The following AMOTL1 variants were observed in gnomAD, a reference collection of about 807,000 sequenced individuals.
AMOTL1 encodes the protein angiomotin like 1, also known as angiomotin-like protein 1.
AMOTL1 carries 45 observed loss-of-function variants against 102.9 expected under a neutral mutation model. The ratio of observed to expected loss-of-function variants is 0.44; its 90% CI spans 0.34 to 0.56. The LOEUF is 0.56. AMOTL1 is among the 20% of genes least tolerant of loss of function. AMOTL1 has a pLI of 0.01. For synonymous variants in AMOTL1, 481 were observed against 484.7 expected (o/e 0.99, Z 0.10); for missense variants, 1,114 against 1,225.6 (o/e 0.91, Z 1.36).
In AMOTL1 at chr11:94,821,956, T is replaced by C. The variant is rs1025769453; in HGVS notation, c.1413+135T>C. On this transcript the variant is annotated intron_variant, in intron 4 of 12. Transcript: ENST00000433060. ...GGCCCTGTGCAAGGCTTTAGGGAGA[T>C]GAAAATAAATATGACCCAGTTCCTG... is the stretch of plus-strand genomic sequence containing the variant. The C allele has an allele frequency of 2.6e-5, 31 of 1,192,938 alleles. 1 individual carries two copies. The South Asian group carries it at 4.4e-4, about 17-fold the overall frequency. 73.9% of individuals were successfully genotyped at this position (1,192,938 alleles called of 1,614,324 possible).
At chr11:94,829,891 G>T (rs1952039014) in intron 4 of AMOTL1, among the ~76,000 whole-genome samples, 159 bp from the exon 5 acceptor site, 1 of 152,208 alleles carries the variant, frequency 6.6e-6, no homozygotes. Context: ...AGGTGGGGGA[G>T]TGAAATCGAT....
rs201109919 is a variant in AMOTL1 at position 94,799,726 on chromosome 11, C to T, written c.536C>T (p.Thr179Met). The T allele has an allele frequency of 2.3e-5, 37 of 1,613,370 alleles. No homozygotes were observed. In the Admixed American group the frequency reaches 2.3e-4, roughly 10 times the overall value. ...GTGATGGAGAAACAGGTCCGGTCCACGCAGCCTCAGCAGAACAACGAGGAA... is the reference window on the plus strand; with the variant it reads ...GTGATGGAGAAACAGGTCCGGTCCATGCAGCCTCAGCAGAACAACGAGGAA... ...NTVMEKQVRS[T>M]QPQQNNEELP... is the part of the protein sequence containing the mutation. The change falls in exon 3 of 13, where the codon ACG becomes ATG. Residue 179 changes from threonine to methionine, a missense_variant. By Grantham distance (81) the Thr-to-Met change is moderately conservative. Coordinates refer to ENST00000433060, the MANE Select transcript of AMOTL1 (RefSeq NM_130847.3). This position sits in a 1 kb window ranked among gnomAD's most constrained non-coding sequence, Gnocchi z 4.5.
At chr11:94,825,295 G>T (rs755171321) in intron 4 of AMOTL1, among the ~76,000 whole-genome samples, 12 of 152,200 alleles carry the variant, frequency 7.9e-5, no homozygotes, top group Non-Finnish European at 1.8e-4. Context: ...AAACAAAGGT[G>T]GCTTTGATTG....
chr11:94,810,397 CT>C (rs575354745), intron 3 of AMOTL1, among the ~76,000 whole-genome samples: 1 of 149,142 alleles, frequency 6.7e-6, no homozygotes, highest in Admixed American at 6.8e-5. Flanking sequence ...TCATAGTGCA[CT>C]TTTTTTCAAA....
At chr11:94,842,595 ATAT>A (rs1248892609) in intron 6 of AMOTL1, among the ~76,000 whole-genome samples, 1 of 152,214 alleles carries the variant, frequency 6.6e-6, no homozygotes, top group African/African-American at 2.4e-5. Context: ...TCATTTTCCC[ATAT>A]TATCCATCTC....
upstream of AMOTL1, among the ~76,000 whole-genome samples, chr11:94,766,640 C>T (rs1157160056): frequency 6.6e-6 from 1 of 152,194 alleles, no homozygotes; most frequent in African/African-American, 2.4e-5. Flanking sequence ...TCAGTGGTCC[C>T]TTCACTGTCC....
At chr11:94,865,214 C>T (rs1424708417) in intron 10 of AMOTL1, among the ~76,000 whole-genome samples, 1 of 152,172 alleles carries the variant, frequency 6.6e-6, no homozygotes, top group Non-Finnish European at 1.5e-5. Context: ...CCCAAAGATT[C>T]AGAGTTTTTG....
intron 11 of AMOTL1, among the ~76,000 whole-genome samples, chr11:94,867,369 G>T (rs1251730803): frequency 6.6e-6 from 1 of 152,182 alleles, no homozygotes; most frequent in Non-Finnish European, 1.5e-5. Context: ...GCTGAGCCAG[G>T]CCTGGTCAAG....
chr11:94,732,857 T>C (rs1017895322), intron 2 of AMOTL1, among the ~76,000 whole-genome samples: 14 of 152,134 alleles, frequency 9.2e-5, no homozygotes, highest in Non-Finnish European at 1.9e-4. Context: ...AGGTGCGTCA[T>C]AGAAATTCAG....
chr11:94,870,201 C>T (rs1410679050), intron 12 of AMOTL1, among the ~76,000 whole-genome samples: 1 of 152,210 alleles, frequency 6.6e-6, no homozygotes, highest in East Asian at 1.9e-4. Context: ...TGAGACTAAT[C>T]ATGGTCATGG....
chr11:94,852,973 C>T (rs1952576563), intron 7 of AMOTL1, among the ~76,000 whole-genome samples: 3 of 152,034 alleles, frequency 2.0e-5, no homozygotes, highest in Admixed American at 6.5e-5. Context: ...TATAGATAAG[C>T]ATGCTTAATG....
chr11:94,837,874 A>T (rs1402933587), intron 6 of AMOTL1, among the ~76,000 whole-genome samples: 2 of 152,226 alleles, frequency 1.3e-5, no homozygotes, highest in Non-Finnish European at 2.9e-5. Flanking sequence ...AAACTTTTGA[A>T]CATTCCTTGC....
chr11:94,734,218 C>T (rs1180015483), intron 2 of AMOTL1, among the ~76,000 whole-genome samples: 1 of 152,086 alleles, frequency 6.6e-6, no homozygotes, highest in African/African-American at 2.4e-5. Context: ...TGTATTGTTT[C>T]TGCTTAGGAT....
intron 4 of AMOTL1, among the ~76,000 whole-genome samples, chr11:94,829,221 C>CTT (rs1275329051): frequency 2.9e-5 from 4 of 135,990 alleles, no homozygotes; most frequent in Admixed American, 7.4e-5. Flanking sequence ...TCCATTAATC[C>CTT]TTTTTTTTTT....
At chr11:94,767,820 T>C (rs1004254541), upstream of AMOTL1, among the ~76,000 whole-genome samples, 1 of 151,370 alleles carries the variant, frequency 6.6e-6, no homozygotes, top group Non-Finnish European at 1.5e-5. Flanking sequence ...ACACATTTAA[T>C]ATCCGAGGCT....
chr11:94,832,664 A>G (rs1286685183), intron 6 of AMOTL1, among the ~76,000 whole-genome samples: 2 of 152,194 alleles, frequency 1.3e-5, no homozygotes, highest in Non-Finnish European at 2.9e-5. Context: ...TTTTGTAACA[A>G]AATTTATCTT....
intron 3 of AMOTL1, among the ~76,000 whole-genome samples, chr11:94,753,772 C>A (rs1358965971): frequency 2.0e-5 from 3 of 152,188 alleles, no homozygotes; most frequent in African/African-American, 7.2e-5. Context: ...CTTGGCAGAA[C>A]CCTAATTTGT....
At chr11:94,738,318 C>T (rs550754507) in intron 2 of AMOTL1, among the ~76,000 whole-genome samples, 43 of 143,954 alleles carry the variant, frequency 3.0e-4, no homozygotes, top group East Asian at 2.8e-3. Flanking sequence ...ACTGCAATGG[C>T]GTGATCTCTG....
intron 4 of AMOTL1, 148 bp downstream of exon 4, chr11:94,821,969 G>C: frequency 9.1e-7 from 1 of 1,094,858 alleles, no homozygotes; most frequent in Non-Finnish European, 1.3e-6. Context: ...AAATAAATAT[G>C]ACCCAGTTCC....
Sources: allele counts gnomAD v4.1 joint callset (sites outside exome capture counted in the v4.1 genomes callset), GRCh38; gene constraint gnomAD v4.1.1; non-coding constraint Gnocchi (gnomAD v3.1); transcripts MANE v1.5; gene names NCBI Gene and HGNC (gene_info 2026-07-23, HGNC 2026-07-21).